The following PRMT8 variants were observed in gnomAD, a reference collection of about 807,000 sequenced individuals.
PRMT8 encodes protein arginine methyltransferase 8.
PRMT8 carries 7 observed loss-of-function variants against 47.1 expected under a neutral mutation model. The ratio of observed to expected loss-of-function variants is 0.15; its 90% CI spans 0.08 to 0.28. PRMT8 has a LOEUF of 0.28. Among genes scored for constraint, PRMT8 ranks in the 10% least tolerant of loss-of-function variants. The pLI, the probability that PRMT8 is intolerant of heterozygous loss-of-function variation, is 1.00. For synonymous variants in PRMT8, 188 were observed against 186.5 expected (o/e 1.01, Z -0.07); for missense variants, 237 against 505.4 (o/e 0.47, Z 5.09).
Position 3,583,046 on chromosome 12 carries a change from T to C in PRMT8, c.829-12T>C, listed in dbSNP as rs867184378. ...GATAAGTTCCCGGCATTCTCTCTTC[T>C]CTGGGCTGCAGGAGGTGGACATTTA... On this transcript the variant is annotated splice_polypyrimidine_tract_variant and intron_variant, in intron 7 of 9. Coordinates refer to ENST00000382622, the MANE Select transcript of PRMT8 (RefSeq NM_019854.5). The surrounding 1 kb of genome is among the most constrained non-coding windows in gnomAD (Gnocchi z 4.7). The C allele has an allele frequency of 6.2e-7, 1 of 1,611,774 alleles. No individual in the cohort carries two copies. Among genetic ancestry groups the C allele is most frequent in the Non-Finnish European group, 8.5e-7 (1 of 1,178,932 alleles).
At chr12:3,455,125 C>A (rs1396222316) in intron 1 of PRMT8, among the ~76,000 whole-genome samples, 1 of 152,244 alleles carries the variant, frequency 6.6e-6, no homozygotes, top group African/African-American at 2.4e-5. Context: ...TAGCTCAGTG[C>A]CCTGTGACCA....
At chr12:3,498,664 C>T (rs755817354) in intron 1 of PRMT8, among the ~76,000 whole-genome samples, 2 of 152,106 alleles carry the variant, frequency 1.3e-5, no homozygotes, top group Admixed American at 6.5e-5. Context: ...GAAGCTTGAC[C>T]CTAGGCCATC....
In PRMT8 at chr12:3,397,283, T is replaced by C. The variant is rs376359670; in HGVS notation, c.48+15841T>C. 4.0e-3 allele frequency among the ~76,000 whole-genome samples: 614 copies of C among 151,996 alleles called. 14 individuals are homozygous for C. The highest frequency in any genetic ancestry group is 0.028 in the South Asian group (129 of 4,586). On this transcript the variant is annotated intron_variant, in intron 1 of 9. Transcript: ENST00000452611. The stretch of plus-strand genomic sequence containing the variant: ...CTGCGTTCCTTTGGAGGAGGAGAGG[T>C]GCTCTGCGTTTTAGAGTTTCCAGTT...
intron 1 of PRMT8, among the ~76,000 whole-genome samples, chr12:3,429,399 G>C (rs1316582715): frequency 2.6e-5 from 4 of 152,074 alleles, no homozygotes; most frequent in Non-Finnish European, 5.9e-5. Context: ...AGTTTCTAGT[G>C]GGGTGGGCCT....
Position 3,535,570 on chromosome 12 carries a change from G to A in PRMT8, c.76-5036G>A, listed in dbSNP as rs1442233992. 6.6e-6 allele frequency among the ~76,000 whole-genome samples: 1 copy of A among 152,138 alleles called. No individual in the cohort carries two copies. The highest frequency in any genetic ancestry group is 2.4e-5 in the African/African-American group (1 of 41,436). Reference sequence around the variant, plus strand: ...AAGGCAGGGTGCTTTCTCTGCCCTGGGGCCCAAGAACCCAACAGGACAAGG... The same window carrying A: ...AAGGCAGGGTGCTTTCTCTGCCCTGAGGCCCAAGAACCCAACAGGACAAGG... On this transcript the variant is annotated intron_variant, in intron 1 of 9. Transcript: ENST00000382622. This position sits in a 1 kb window ranked among gnomAD's most constrained non-coding sequence, Gnocchi z 4.7.
chr12:3,592,392 C>T lies in PRMT8; in HGVS notation c.1101+40C>T, dbSNP rs1023219937. 3.8e-6 allele frequency: 6 copies of T among 1,582,792 alleles called. No individual in the cohort carries two copies. The Admixed American group carries it at 5.6e-5, about 15-fold the overall frequency. ...ACATAAGGACATAAGGGAGAAGGGC[C>T]CCACAGAGCTGGCTCGCTCAGGACC... On this transcript the variant is annotated intron_variant, in intron 9 of 9. Transcript: ENST00000382622.
At position 3,538,217 on chromosome 12, in the gene PRMT8, C is replaced by A. The variant is rs1274131519; in HGVS notation, c.76-2389C>A. On this transcript the variant is annotated intron_variant, in intron 1 of 9. Transcript: ENST00000382622. This position sits in a 1 kb window ranked among gnomAD's most constrained non-coding sequence, Gnocchi z 4.6. ...CTGACTCTCTGCATTAAAGTGAATT[C>A]TCTTTCCTGTGAACCTCCAGAACAA... 1.9e-5 allele frequency: 3 copies of A among 154,936 alleles called. No homozygotes were observed. The highest frequency in any genetic ancestry group is 1.9e-4 in the Admixed American group (3 of 15,552). The allele number at this position is 154,936 out of a possible 1,614,324, so 9.6% of individuals were successfully genotyped here.
intron 7 of PRMT8, among the ~76,000 whole-genome samples, chr12:3,579,742 G>C (rs556467140): frequency 6.6e-6 from 1 of 152,316 alleles, no homozygotes; most frequent in Non-Finnish European, 1.5e-5. Context: ...TAACATTGCA[G>C]AGTGTGACAC....
intron 1 of PRMT8, among the ~76,000 whole-genome samples, chr12:3,385,675 G>A (rs1280475904): frequency 6.6e-6 from 1 of 152,172 alleles, no homozygotes; most frequent in East Asian, 1.9e-4. Flanking sequence ...ACGAGTATAC[G>A]TTGTCTCACT....
chr12:3,547,897 T>G (rs1866352785), intron 2 of PRMT8, among the ~76,000 whole-genome samples: 1 of 152,190 alleles, frequency 6.6e-6, no homozygotes, highest in Admixed American at 6.5e-5. Flanking sequence ...TCTGTATGAA[T>G]TAATAAGTTG....
intron 1 of PRMT8, among the ~76,000 whole-genome samples, chr12:3,422,866 C>G (rs1280293433): frequency 6.6e-6 from 1 of 152,204 alleles, no homozygotes; most frequent in Non-Finnish European, 1.5e-5. Context: ...GAGAACCTCA[C>G]TTATTAGTGG....
At chr12:3,422,140 C>G (rs1864548412) in intron 1 of PRMT8, among the ~76,000 whole-genome samples, 1 of 152,198 alleles carries the variant, frequency 6.6e-6, no homozygotes, top group African/African-American at 2.4e-5. Context: ...GCTCTTTGGG[C>G]CTCAGTTTTC....
intron 3 of PRMT8, chr12:3,551,664 A>G (rs1013838512): frequency 1.3e-5 from 2 of 152,194 alleles, no homozygotes; most frequent in African/African-American, 2.4e-5. Flanking sequence ...TTTCTCTAAC[A>G]GCTCTTTTAT....
rs1865755649 is a variant in PRMT8 at position 3,514,292 on chromosome 12, G to A, written c.75+22592G>A. Among the ~76,000 whole-genome samples, 1 of 151,688 alleles carries A rather than the reference G, an allele frequency of 6.6e-6. No individual in the cohort carries two copies. The highest frequency in any genetic ancestry group is 1.5e-5 in the Non-Finnish European group (1 of 67,960). On this transcript the variant is annotated intron_variant, in intron 1 of 9. Coordinates refer to ENST00000382622, the MANE Select transcript of PRMT8 (RefSeq NM_019854.5). This position sits in a 1 kb window ranked among gnomAD's most constrained non-coding sequence, Gnocchi z 5.9. ...GAGCACTTCTGGTTCCTCTGAGGTT[G>A]GTATCCGGTTGGCTCAGTGTCAGAG... is the stretch of plus-strand genomic sequence containing the variant.
At position 3,436,414 on chromosome 12, in the gene PRMT8, G is replaced by A. The variant is rs1352100737; in HGVS notation, c.48+54972G>A. Among the ~76,000 whole-genome samples, 1 of 152,114 alleles carries A rather than the reference G, an allele frequency of 6.6e-6. No homozygotes were observed. Among genetic ancestry groups the A allele is most frequent in the Admixed American group, 6.5e-5 (1 of 15,278 alleles). ...GCACCAGCAGCCCCAGGTAAGCCAG[G>A]GGCTGAGCTACTGTGATAAAATTCT... On this transcript the variant is annotated intron_variant, in intron 1 of 9. Transcript: ENST00000452611. This position sits in a 1 kb window ranked among gnomAD's most constrained non-coding sequence, Gnocchi z 4.2.
At chr12:3,454,542 G>C (rs1864953887) in intron 1 of PRMT8, among the ~76,000 whole-genome samples, 1 of 152,188 alleles carries the variant, frequency 6.6e-6, no homozygotes, top group Admixed American at 6.5e-5. Context: ...GAGGAGAGAG[G>C]AGGAGCAGGG....
chr12:3,451,277 C>T (rs1432165742), intron 1 of PRMT8, among the ~76,000 whole-genome samples: 2 of 152,082 alleles, frequency 1.3e-5, no homozygotes, highest in African/African-American at 2.4e-5. Context: ...GCTTCTTCAG[C>T]TTACAGATGA....
intron 1 of PRMT8, among the ~76,000 whole-genome samples, chr12:3,413,669 T>G (rs1864454810): frequency 6.6e-6 from 1 of 152,122 alleles, no homozygotes; most frequent in African/African-American, 2.4e-5. Flanking sequence ...GAGATAGAAA[T>G]TATTCAGTTC....
intron 1 of PRMT8, among the ~76,000 whole-genome samples, chr12:3,465,972 A>G (rs753552499): frequency 1.3e-5 from 2 of 152,126 alleles, no homozygotes; most frequent in Non-Finnish European, 2.9e-5. Context: ...TACATAGCTG[A>G]AAGGGGGGAG....
Sources: gnomAD v4.1 joint callset for allele counts (sites outside exome capture counted in the v4.1 genomes callset) on GRCh38, gnomAD v4.1.1 for gene constraint, Gnocchi (gnomAD v3.1) non-coding constraint, MANE v1.5 for transcripts, NCBI Gene and HGNC (gene_info 2026-07-23, HGNC 2026-07-21) for gene names.